TBC1D22A: variants seen among roughly 807,000 people sequenced by gnomAD.
TBC1D22A encodes the protein TBC1 domain family member 22A, also known as putative GTPase activator.
TBC1D22A carries 38 observed loss-of-function variants against 60.2 expected under a neutral mutation model. The observed-to-expected ratio is 0.63, with a 90% CI of 0.49 to 0.83. The LOEUF is 0.83. Ranked by LOEUF, TBC1D22A falls within the 40% of genes least tolerant of loss-of-function variation. The pLI, the probability that TBC1D22A is intolerant of heterozygous loss-of-function variation, is 0.00. For synonymous variants in TBC1D22A, 302 were observed against 281.7 expected (o/e 1.07, Z -0.72); for missense variants, 628 against 701.0 (o/e 0.90, Z 1.18).
chr22:47,149,662 G>T (rs1441690910), intron 12 of TBC1D22A, among the ~76,000 whole-genome samples: 1 of 151,924 alleles, frequency 6.6e-6, no homozygotes, highest in Non-Finnish European at 1.5e-5. Flanking sequence ...CGGCAGGGCT[G>T]CAGGGAGGTA....
chr22:46,801,850 A>G (rs1023867132), intron 4 of TBC1D22A, among the ~76,000 whole-genome samples: 1 of 152,206 alleles, frequency 6.6e-6, no homozygotes, highest in African/African-American at 2.4e-5. Flanking sequence ...GTGCTGATAG[A>G]TGGAGGTCAG....
intron 11 of TBC1D22A, among the ~76,000 whole-genome samples, chr22:47,091,307 G>GTGGGGA (rs1569437277): frequency 9.5e-6 from 1 of 104,870 alleles, no homozygotes; most frequent in African/African-American, 4.1e-5. Flanking sequence ...GTCGTCTTTG[G>GTGGGGA]GTGGCTGCGT....
At chr22:46,923,775 G>T (rs970388766) in intron 8 of TBC1D22A, among the ~76,000 whole-genome samples, 1 of 152,044 alleles carries the variant, frequency 6.6e-6, no homozygotes, top group Non-Finnish European at 1.5e-5. Flanking sequence ...TTTGTTTCAT[G>T]TTTTTTTCCC....
chr22:47,059,791 G>A (rs2063508618), intron 11 of TBC1D22A, among the ~76,000 whole-genome samples: 1 of 152,118 alleles, frequency 6.6e-6, no homozygotes, highest in Non-Finnish European at 1.5e-5. Flanking sequence ...TAGACTTTAC[G>A]GTAACAGCAG....
intron 4 of TBC1D22A, among the ~76,000 whole-genome samples, chr22:46,812,779 G>T (rs934597168): frequency 2.0e-5 from 3 of 152,234 alleles, no homozygotes; most frequent in South Asian, 4.1e-4. Flanking sequence ...TGTAGGGACT[G>T]CTATTCAGTT....
At chr22:47,018,719 C>G (rs558084208) in intron 10 of TBC1D22A, among the ~76,000 whole-genome samples, 11 of 152,298 alleles carry the variant, frequency 7.2e-5, no homozygotes, top group Middle Eastern at 3.4e-3. Flanking sequence ...ACCGTGTCTC[C>G]TGCTCACCGG....
chr22:46,849,048 A>T (rs949958138), intron 4 of TBC1D22A, among the ~76,000 whole-genome samples: 1 of 152,152 alleles, frequency 6.6e-6, no homozygotes, highest in Non-Finnish European at 1.5e-5. Flanking sequence ...TTCACCACTT[A>T]GTAGCTAGTT....
chr22:46,798,319 A>G (rs1339183714), intron 4 of TBC1D22A, among the ~76,000 whole-genome samples: 1 of 152,218 alleles, frequency 6.6e-6, no homozygotes, highest in Non-Finnish European at 1.5e-5. Context: ...GGTGACCATC[A>G]ACTCAATCTG....
intron 11 of TBC1D22A, among the ~76,000 whole-genome samples, chr22:47,103,565 G>A (rs1456965984): frequency 6.6e-6 from 1 of 152,148 alleles, no homozygotes; most frequent in South Asian, 2.1e-4. Flanking sequence ...AAAATAAAAT[G>A]GTGACATGAT....
Position 47,169,250 on chromosome 22 carries a change from A to G in TBC1D22A, c.1426-4248A>G, listed in dbSNP as rs543218191. ...GTGGGTAGGGCCAACCCCCACCCCC[A>G]CCGGCCCTCAACTTCAACAGGGGTT... On this transcript the variant is annotated intron_variant, in intron 12 of 12. Transcript: ENST00000337137. 3.6e-3 allele frequency among the ~76,000 whole-genome samples: 545 copies of G among 152,100 alleles called. 1 individual carries two copies. Among genetic ancestry groups the G allele is most frequent in the African/African-American group, 0.013 (527 of 41,486 alleles).
At chr22:46,798,650 G>A (rs1006797127) in intron 4 of TBC1D22A, among the ~76,000 whole-genome samples, 1 of 152,242 alleles carries the variant, frequency 6.6e-6, no homozygotes, top group Non-Finnish European at 1.5e-5. Context: ...TGGAGCTCTC[G>A]GGAGGACCGG....
chr22:47,050,247 C>A (rs573468936), intron 11 of TBC1D22A, among the ~76,000 whole-genome samples: 1 of 151,746 alleles, frequency 6.6e-6, no homozygotes, highest in African/African-American at 2.4e-5. Flanking sequence ...TCAAGTGATC[C>A]GCCCGCCTCG....
intron 4 of TBC1D22A, among the ~76,000 whole-genome samples, chr22:46,872,904 A>G (rs1358021722): frequency 1.3e-5 from 2 of 152,178 alleles, no homozygotes; most frequent in Admixed American, 1.3e-4. Flanking sequence ...ATGCAGTGGG[A>G]ATCGAGTGTT....
At chr22:46,841,422 G>C (rs1476893213) in intron 4 of TBC1D22A, among the ~76,000 whole-genome samples, 2 of 152,176 alleles carry the variant, frequency 1.3e-5, no homozygotes, top group South Asian at 2.1e-4. Context: ...AGAATCGTGA[G>C]AAAAAATTTT....
chr22:46,932,213 T>C (rs1369123124), intron 8 of TBC1D22A, among the ~76,000 whole-genome samples: 1 of 152,194 alleles, frequency 6.6e-6, no homozygotes, highest in Non-Finnish European at 1.5e-5. Flanking sequence ...CACCTGGAAT[T>C]CTTAAATGCC....
At chr22:46,992,067 A>G (rs773888853) in intron 9 of TBC1D22A, among the ~76,000 whole-genome samples, 24 of 152,194 alleles carry the variant, frequency 1.6e-4, no homozygotes, top group Non-Finnish European at 2.9e-4. Context: ...TCAGACTGTC[A>G]TCCCTGTGAA....
intron 8 of TBC1D22A, chr22:46,915,365 A>C (rs1446585183): frequency 2.2e-6 from 1 of 456,344 alleles, no homozygotes; most frequent in Non-Finnish European, 4.4e-6. Flanking sequence ...TGCTTAGTGA[A>C]GATCTTCAAG....
At chr22:47,022,686 C>T (rs1323311129) in intron 10 of TBC1D22A, among the ~76,000 whole-genome samples, 1 of 152,194 alleles carries the variant, frequency 6.6e-6, no homozygotes, top group Non-Finnish European at 1.5e-5. Flanking sequence ...TGACAGAGAA[C>T]AAGCCTCAGA....
chr22:47,148,709 G>A (rs1395542684), intron 12 of TBC1D22A, among the ~76,000 whole-genome samples: 1 of 147,526 alleles, frequency 6.8e-6, no homozygotes, highest in African/African-American at 2.5e-5. Context: ...CTCTCCTGGG[G>A]TCCCTCCCTC....
Sources: gnomAD v4.1 joint callset for allele counts (sites outside exome capture counted in the v4.1 genomes callset) on GRCh38, gnomAD v4.1.1 for gene constraint, MANE v1.5 for transcripts, NCBI Gene and HGNC (gene_info 2026-07-23, HGNC 2026-07-21) for gene names.